Variants in TRABD2B observed in about 807,000 individuals in gnomAD.
TRABD2B encodes TraB domain containing 2B, also known as metalloprotease TIKI2.
TRABD2B carries 14 observed loss-of-function variants against 40.1 expected under a neutral mutation model. The ratio of observed to expected loss-of-function variants is 0.35; its 90% CI spans 0.23 to 0.55. The LOEUF (loss-of-function observed/expected upper bound fraction) is 0.55. Ranked by LOEUF, TRABD2B falls within the 20% of genes least tolerant of loss-of-function variation. The pLI is 0.90. For missense variants in TRABD2B, 541 were observed against 648.6 expected, an observed-to-expected ratio of 0.83 and a Z score of 1.80; for synonymous variants, 263 against 277.0, an observed-to-expected ratio of 0.95 and a Z score of 0.50.
At chr1:47,891,433 G>T (rs1473203781) in intron 2 of TRABD2B, among the ~76,000 whole-genome samples, 3 of 152,142 alleles carry the variant, frequency 2.0e-5, no homozygotes, top group Non-Finnish European at 4.4e-5. Context: ...TGGATGAAAT[G>T]AAGTATATAT....
chr1:47,831,233 C>T (rs1023750640), intron 2 of TRABD2B, among the ~76,000 whole-genome samples: 5 of 152,026 alleles, frequency 3.3e-5, no homozygotes, highest in Non-Finnish European at 5.9e-5. Flanking sequence ...GTAAGAAAGC[C>T]GGCTGTAGCC....
At chr1:47,817,968 T>C (rs1293643007) in intron 2 of TRABD2B, 1 of 152,268 alleles carries the variant, frequency 6.6e-6, no homozygotes, top group African/African-American at 2.4e-5. Flanking sequence ...GAAAAGGTCT[T>C]TGTTCTCCCA....
intron 2 of TRABD2B, among the ~76,000 whole-genome samples, chr1:47,885,641 T>C (rs932015880): frequency 6.6e-6 from 1 of 152,084 alleles, no homozygotes; most frequent in Non-Finnish European, 1.5e-5. Context: ...AGGGAGTTCA[T>C]GGTGATAAAT....
chr1:47,946,855 T>C (rs1645266079), intron 2 of TRABD2B, among the ~76,000 whole-genome samples: 1 of 152,196 alleles, frequency 6.6e-6, no homozygotes, highest in African/African-American at 2.4e-5. Context: ...TTACTAGTTT[T>C]GCTAATTCAG....
Position 47,996,917 on chromosome 1 carries a change from T to A in TRABD2B, c.-128A>T. 1 of 1,123,398 alleles carries A rather than the reference T, an allele frequency of 8.9e-7. No individual in the cohort carries two copies. The highest frequency in any genetic ancestry group is 4.9e-5 in the Admixed American group (1 of 20,310). The allele number at this position is 1,123,398 out of a possible 1,614,324, so 69.6% of individuals were successfully genotyped here. On this transcript the variant is annotated 5_prime_UTR_variant, in exon 1 of 7. Coordinates refer to ENST00000606738, the MANE Select transcript of TRABD2B (RefSeq NM_001194986.2). The surrounding 1 kb of genome is among the most constrained non-coding windows in gnomAD (Gnocchi z 4.6). ...TCCAGCCGCAGGATGCTGGGCGCCCTCTGGGGCGTGGCTGACTGTCCCTGT... is the reference window on the plus strand; with the variant it reads ...TCCAGCCGCAGGATGCTGGGCGCCCACTGGGGCGTGGCTGACTGTCCCTGT...
chr1:47,911,100 T>A (rs1644756932), intron 2 of TRABD2B, among the ~76,000 whole-genome samples: 1 of 152,160 alleles, frequency 6.6e-6, no homozygotes, highest in Non-Finnish European at 1.5e-5. Flanking sequence ...CCAGCCAGGA[T>A]TTTTACATGG....
At chr1:47,935,482 C>T (rs112087356) in intron 2 of TRABD2B, among the ~76,000 whole-genome samples, 1,551 of 152,248 alleles carry the variant, frequency 0.01, 31 homozygotes, top group African/African-American at 0.036. Flanking sequence ...CACGGGTACT[C>T]AGGAAATGAC....
intron 2 of TRABD2B, among the ~76,000 whole-genome samples, chr1:47,832,103 C>T (rs895869992): frequency 1.6e-4 from 25 of 152,132 alleles, no homozygotes; most frequent in African/African-American, 5.6e-4. Flanking sequence ...GAGGCCAAGG[C>T]GCGCGGATCA....
intron 2 of TRABD2B, among the ~76,000 whole-genome samples, chr1:47,931,529 G>A (rs745857136): frequency 1.3e-5 from 2 of 152,126 alleles, no homozygotes; most frequent in Non-Finnish European, 2.9e-5. Context: ...AGTAACACTG[G>A]CCGTTCCCAC....
At chr1:47,995,505 T>TGTGTGTGTGTGCGC (rs1348231891) in intron 1 of TRABD2B, among the ~76,000 whole-genome samples, 1 of 150,696 alleles carries the variant, frequency 6.6e-6, no homozygotes, top group East Asian at 2.0e-4. Context: ...TGTGTGCGTG[T>TGTGTGTGTGTGCGC]GTGTGTGTGT....
At chr1:47,951,982 C>A (rs1645351588) in intron 2 of TRABD2B, among the ~76,000 whole-genome samples, 1 of 152,214 alleles carries the variant, frequency 6.6e-6, no homozygotes, top group Non-Finnish European at 1.5e-5. Flanking sequence ...CCCATAGGAG[C>A]TGGGAGTTCT....
intron 2 of TRABD2B, among the ~76,000 whole-genome samples, chr1:47,976,386 ACTT>A (rs56829564): frequency 0.017 from 2,553 of 152,172 alleles, 73 homozygotes; most frequent in African/African-American, 0.058. Flanking sequence ...TCTCTCTCTG[ACTT>A]CTTATTAATC....
At chr1:47,880,190 C>A (rs1187827016) in intron 2 of TRABD2B, among the ~76,000 whole-genome samples, 2 of 152,056 alleles carry the variant, frequency 1.3e-5, no homozygotes, top group East Asian at 3.9e-4. Context: ...GTCGTGGGCA[C>A]CTGTAATTCC....
chr1:47,767,645 C>T lies in TRABD2B; in HGVS notation c.1350-1539G>A, dbSNP rs537776104. Among the ~76,000 whole-genome samples, 3 of 152,326 alleles carry T rather than the reference C, an allele frequency of 2.0e-5. No homozygotes were observed. In the South Asian group the frequency reaches 6.2e-4, roughly 32 times the overall value. On this transcript the variant is annotated intron_variant, in intron 6 of 6. Transcript: ENST00000606738. ...CTGAACTGGGCACACAGTAGGTGCT[C>T]AATAGCAGATGGGTGGGCAAGAAGC...
chr1:47,978,725 C>A (rs1433474579), intron 2 of TRABD2B, among the ~76,000 whole-genome samples: 1 of 152,166 alleles, frequency 6.6e-6, no homozygotes, highest in African/African-American at 2.4e-5. Context: ...AGCTTGGGTG[C>A]CGTCAGAGCT....
intron 2 of TRABD2B, among the ~76,000 whole-genome samples, chr1:47,853,611 G>A (rs1643860303): frequency 6.6e-6 from 1 of 152,186 alleles, no homozygotes; most frequent in Admixed American, 6.5e-5. Context: ...AGACCATGAT[G>A]GTTAATATGG....
chr1:47,967,800 T>C (rs1017869690), intron 2 of TRABD2B, among the ~76,000 whole-genome samples: 19 of 152,250 alleles, frequency 1.2e-4, no homozygotes, highest in Non-Finnish European at 2.9e-5. Flanking sequence ...AAGAAAACTG[T>C]GAACCAGTTC....
At chr1:47,917,538 T>C (rs765734779) in intron 2 of TRABD2B, among the ~76,000 whole-genome samples, 1 of 151,498 alleles carries the variant, frequency 6.6e-6, no homozygotes, top group Non-Finnish European at 1.5e-5. Flanking sequence ...CTGGGCAATA[T>C]AGTAAGGCCT....
At chr1:47,970,893 T>C (rs1028012245) in intron 2 of TRABD2B, among the ~76,000 whole-genome samples, 4 of 152,186 alleles carry the variant, frequency 2.6e-5, no homozygotes, top group Non-Finnish European at 4.4e-5. Context: ...TCTGCTAGCG[T>C]CTCACTGGCC....
Sources: allele counts gnomAD v4.1 joint callset (sites outside exome capture counted in the v4.1 genomes callset), GRCh38; gene constraint gnomAD v4.1.1; non-coding constraint Gnocchi (gnomAD v3.1); transcripts MANE v1.5; gene names NCBI Gene and HGNC (gene_info 2026-07-23, HGNC 2026-07-21).